The following NOS2 variants were observed in gnomAD, a reference collection of about 807,000 sequenced individuals.
NOS2 encodes the protein nitric oxide synthase, inducible.
Under a neutral mutation model 136.0 loss-of-function variants are expected in NOS2, and 96 were observed. The ratio of observed to expected loss-of-function variants is 0.71; its 90% CI spans 0.60 to 0.84. NOS2 has a LOEUF of 0.84. Ranked by LOEUF, NOS2 falls within the 40% of genes least tolerant of loss-of-function variation. The pLI is 0.00. For synonymous variants in NOS2, 539 were observed against 587.5 expected, an observed-to-expected ratio of 0.92 and a Z score of 1.20; for missense variants, 1,237 against 1,496.9, an observed-to-expected ratio of 0.83 and a Z score of 2.87.
intron 9 of NOS2, among the ~76,000 whole-genome samples, chr17:27,780,429 G>T (rs2151331290): frequency 6.6e-6 from 1 of 152,272 alleles, no homozygotes; most frequent in Non-Finnish European, 1.5e-5. Flanking sequence ...TAAGAGCATT[G>T]GCAGGAGGGC....
intron 9 of NOS2, among the ~76,000 whole-genome samples, chr17:27,779,678 T>C (rs1185936431): frequency 6.6e-6 from 1 of 152,136 alleles, no homozygotes; most frequent in African/African-American, 2.4e-5. Flanking sequence ...CCAGGCTCTG[T>C]GCTAAATGCT....
At position 27,764,291 on chromosome 17, in the gene NOS2, G is replaced by A. The variant is rs1029407523; in HGVS notation, c.2429-147C>T. 1.7e-5 allele frequency: 9 copies of A among 518,936 alleles called. No homozygotes were observed. The African/African-American group carries it at 1.8e-4, about 11-fold the overall frequency. 32.1% of individuals were successfully genotyped at this position (518,936 alleles called of 1,614,324 possible). On this transcript the variant is annotated intron_variant, in intron 20 of 26. Coordinates refer to ENST00000313735, the MANE Select transcript of NOS2 (RefSeq NM_000625.4). ...GACCTGGCTCTAAGAGCAAAAGGCA[G>A]GAAGAAGGTGGCGCATGGAGAAAGG...
In NOS2 at chr17:27,765,707, G is replaced by A. The variant is rs1469578378; in HGVS notation, c.2256C>T (p.Thr752=). 33 of 1,603,500 alleles carry A rather than the reference G, an allele frequency of 2.1e-5. No individual in the cohort carries two copies. The highest frequency in any genetic ancestry group is 2.8e-5 in the Non-Finnish European group (33 of 1,175,024). Residue 752 remains threonine (T), a synonymous_variant, in exon 20 of 27, where the codon ACC becomes ACT. Coordinates refer to ENST00000313735, the MANE Select transcript of NOS2 (RefSeq NM_000625.4). ...CCTCACAGGAGAGTTCCACCAGGAT[G>A]GTGGCACGGCTGGGGAAGGAAAATG... ...NLQSPTSSRA[T]ILVELSCEDG...
intron 18 of NOS2, 31 bp downstream of exon 18, chr17:27,767,674 C>G (rs1471618254): frequency 6.2e-7 from 1 of 1,610,180 alleles, no homozygotes. Context: ...CCAACACAAA[C>G]AAGCCCCATG....
At chr17:27,782,828 G>T in intron 6 of NOS2, 116 bp downstream of exon 6, 1 of 1,006,900 alleles carries the variant, frequency 9.9e-7, no homozygotes, top group Admixed American at 2.5e-5. Flanking sequence ...AGAGGATCCA[G>T]GGCCATGGCT....
intron 12 of NOS2, 71 bp downstream of exon 12, chr17:27,774,186 G>T (rs1288961851): frequency 2.3e-5 from 27 of 1,160,342 alleles, no homozygotes; most frequent in Non-Finnish European, 2.6e-5. Context: ...TAACAATGAG[G>T]TGCACACACA....
At chr17:27,760,429 G>A (rs1285126023) in intron 24 of NOS2, among the ~76,000 whole-genome samples, 194 bp downstream of exon 24, 1 of 152,246 alleles carries the variant, frequency 6.6e-6, no homozygotes, top group Non-Finnish European at 1.5e-5. Flanking sequence ...TCCACTCCCA[G>A]GAGAGGGAGC....
At chr17:27,779,579 C>T (rs559026139) in intron 9 of NOS2, among the ~76,000 whole-genome samples, 1 of 152,048 alleles carries the variant, frequency 6.6e-6, no homozygotes, top group Non-Finnish European at 1.5e-5. Context: ...GCCAGAGAGA[C>T]GTATTGGACA....
chr17:27,777,006 T>A (rs1254600328), intron 11 of NOS2, among the ~76,000 whole-genome samples: 1 of 152,138 alleles, frequency 6.6e-6, no homozygotes. Context: ...CTGGGACGTA[T>A]CCACATCCTG....
chr17:27,783,715 G>A (rs1908924332), intron 5 of NOS2, among the ~76,000 whole-genome samples: 1 of 152,204 alleles, frequency 6.6e-6, no homozygotes, highest in Non-Finnish European at 1.5e-5. Context: ...GGATCTCAAG[G>A]CTCTAGGAGG....
chr17:27,765,268 G>A (rs1297307134), intron 20 of NOS2, among the ~76,000 whole-genome samples: 1 of 152,210 alleles, frequency 6.6e-6, no homozygotes, highest in Non-Finnish European at 1.5e-5. Context: ...GATTACAGGC[G>A]TGAGCCACCA....
In NOS2 at chr17:27,788,948, CA is replaced by C. The variant is rs1489301244; in HGVS notation, c.196-18del. 4.3e-6 allele frequency: 7 copies of C among 1,612,470 alleles called. No homozygotes were observed. Among genetic ancestry groups the C allele is most frequent in the Non-Finnish European group, 5.1e-6 (6 of 1,178,948 alleles). Reference sequence around the variant, plus strand: ...TGGAGACTTCTGCAAGGGGAAAAAACAGGGTTTTCTCTCAGGTCTCTCCTAG... The same window carrying C: ...TGGAGACTTCTGCAAGGGGAAAAAACGGGTTTTCTCTCAGGTCTCTCCTAG... On this transcript the variant is annotated intron_variant, in intron 3 of 26. Transcript: ENST00000313735.
At position 27,757,193 on chromosome 17, in the gene NOS2, C is replaced by G. The variant is rs1157554489; in HGVS notation, c.*53G>C. 5 of 1,431,414 alleles carry G rather than the reference C, an allele frequency of 3.5e-6. No individual in the cohort carries two copies. Among genetic ancestry groups the G allele is most frequent in the East Asian group, 2.3e-5 (1 of 43,800 alleles). 88.7% of individuals were successfully genotyped at this position (1,431,414 alleles called of 1,614,324 possible). A position where few individuals can be genotyped will look rare whatever the true frequency, so the allele number is the denominator to read the frequency against. Reference sequence around the variant, plus strand: ...CCCTGTGACCTCAGATAATGCAGAGCTGGCTCCATCCTTAAGTTCTGTGCC... The same window carrying G: ...CCCTGTGACCTCAGATAATGCAGAGGTGGCTCCATCCTTAAGTTCTGTGCC... On this transcript the variant is annotated 3_prime_UTR_variant, in exon 27 of 27. Transcript: ENST00000313735.
intron 16 of NOS2, 52 bp from the exon 17 acceptor site, chr17:27,769,203 A>G: frequency 6.7e-7 from 1 of 1,500,850 alleles, no homozygotes; most frequent in Non-Finnish European, 9.0e-7. Flanking sequence ...AGCACCTGGC[A>G]CCCAGCACCC....
At chr17:27,763,895 G>A in intron 21 of NOS2, 86 bp downstream of exon 21, 1 of 1,155,380 alleles carries the variant, frequency 8.7e-7, no homozygotes, top group Non-Finnish European at 1.2e-6. Flanking sequence ...GATCCCTCTT[G>A]AAAGTTAAAA....
chr17:27,787,543 C>G (rs1909055547), intron 5 of NOS2, 135 bp downstream of exon 5: 4 of 738,092 alleles, frequency 5.4e-6, no homozygotes, highest in Non-Finnish European at 8.7e-6. Context: ...GATTTTCGCT[C>G]TGCAAAATCA....
rs1908827201 is a variant in NOS2 at position 27,781,021 on chromosome 17, G to T, written c.864+15C>A. On this transcript the variant is annotated intron_variant, in intron 8 of 26. Coordinates refer to ENST00000313735, the MANE Select transcript of NOS2 (RefSeq NM_000625.4). Reference sequence around the variant, plus strand: ...CCCCGCCCCAATGGCCGGTGGCTGAGGCTGGGCCGGGTACCTGAGTGAATT... The same window carrying T: ...CCCCGCCCCAATGGCCGGTGGCTGATGCTGGGCCGGGTACCTGAGTGAATT... The T allele has an allele frequency of 6.2e-7, 1 of 1,611,240 alleles. No homozygotes were observed. The highest frequency in any genetic ancestry group is 8.5e-7 in the Non-Finnish European group (1 of 1,178,422).
intron 5 of NOS2, among the ~76,000 whole-genome samples, chr17:27,786,108 TC>T (rs1366259363): frequency 6.7e-6 from 1 of 149,450 alleles, no homozygotes; most frequent in Non-Finnish European, 1.5e-5. Flanking sequence ...ATAGCAACAC[TC>T]CCCTTCCAGC....
chr17:27,794,703 C>T (rs2142529830), intron 2 of NOS2, among the ~76,000 whole-genome samples: 1 of 140,586 alleles, frequency 7.1e-6, no homozygotes, highest in South Asian at 2.3e-4. Context: ...CACATGCGTA[C>T]ACACACACGC....
Sources: allele counts gnomAD v4.1 joint callset (sites outside exome capture counted in the v4.1 genomes callset), GRCh38; gene constraint gnomAD v4.1.1; transcripts MANE v1.5; gene names NCBI Gene and HGNC (gene_info 2026-07-23, HGNC 2026-07-21).